The following KIF5A variants were observed in gnomAD, a reference collection of about 807,000 sequenced individuals.
KIF5A encodes the protein kinesin family member 5A.
KIF5A carries 35 observed loss-of-function variants against 141.3 expected under a neutral mutation model. The observed-to-expected ratio is 0.25, with a 90% CI of 0.19 to 0.33. The LOEUF (loss-of-function observed/expected upper bound fraction) is 0.33, where lower values mean the gene tolerates loss of function less well. Ranked by LOEUF, KIF5A falls within the 10% of genes least tolerant of loss-of-function variation. KIF5A has a pLI of 1.00. For missense variants in KIF5A, 861 were observed against 1,314.3 expected (o/e 0.66, Z 5.33); for synonymous variants, 448 against 500.2 (o/e 0.90, Z 1.39).
In KIF5A at chr12:57,581,888, C is replaced by G. The variant is rs1882615087; in HGVS notation, c.2928C>G (p.Thr976=). ...CATCCAGCTTTGCAAACTCCTGTAC[C>G]AGCAGTGGAGCCACATCTTCTGGCG... The part of the protein sequence containing the change: ...TSDMYFANSC[T]SSGATSSGGP... Residue 976 remains threonine, a synonymous_variant, in exon 26 of 29, where the codon ACC becomes ACG. Transcript: ENST00000455537. 1 of 1,613,908 alleles carries G rather than the reference C, an allele frequency of 6.2e-7. No homozygotes were observed. The highest frequency in any genetic ancestry group is 8.5e-7 in the Non-Finnish European group (1 of 1,180,018).
Position 57,550,510 on chromosome 12 carries a change from C to T in KIF5A, c.129+110C>T, listed in dbSNP as rs1291570440. 8 of 1,125,802 alleles carry T rather than the reference C, an allele frequency of 7.1e-6. No homozygotes were observed. Among genetic ancestry groups the T allele is most frequent in the Non-Finnish European group, 1.0e-5 (8 of 777,002 alleles). The allele number at this position is 1,125,802 out of a possible 1,614,324, so 69.7% of individuals were successfully genotyped here. On this transcript the variant is annotated intron_variant, in intron 1 of 28. Transcript: ENST00000455537. The surrounding 1 kb of genome is among the most constrained non-coding windows in gnomAD (Gnocchi z 4.6). Reference sequence around the variant, plus strand: ...CCCTTTGCTCCCCCTCCCCGCCGCTCATCCTTCATCCTCTTCCCCGCAGCC... The same window carrying T: ...CCCTTTGCTCCCCCTCCCCGCCGCTTATCCTTCATCCTCTTCCCCGCAGCC...
rs1277220719 is a variant in KIF5A, at chr12:57,571,393, A to G, written c.1362+4A>G. 3 of 1,613,634 alleles carry G rather than the reference A, an allele frequency of 1.9e-6. No individual in the cohort carries two copies. Among genetic ancestry groups the G allele is most frequent in the Middle Eastern group, 1.6e-4 (1 of 6,062 alleles). On this transcript the variant is annotated splice_donor_region_variant and intron_variant, in intron 13 of 28. Coordinates refer to ENST00000455537, the MANE Select transcript of KIF5A (RefSeq NM_004984.4). ...GCAAATGCTGGACCAGGAAGAGGTA[A>G]TAGGAGGGAGGGCAGGACATGAGAG...
chr12:57,566,022 T>C (rs1882053954), intron 6 of KIF5A, among the ~76,000 whole-genome samples: 2 of 151,916 alleles, frequency 1.3e-5, no homozygotes, highest in Admixed American at 1.3e-4. Context: ...TTGCTTGAGC[T>C]CAAGAGTTTG....
At position 57,550,331 on chromosome 12, in the gene KIF5A, C is replaced by T. The variant is rs200876187; in HGVS notation, c.60C>T (p.Asn20=). The change falls in exon 1 of 29, where the codon AAC becomes AAT. Residue 20 remains asparagine, a synonymous_variant. Coordinates refer to ENST00000455537, the MANE Select transcript of KIF5A (RefSeq NM_004984.4). This position sits in a 1 kb window ranked among gnomAD's most constrained non-coding sequence, Gnocchi z 4.6. ...TGCTCTGCCGATTCCGGCCCCTGAACCAGGCTGAGATTCTGCGGGGAGACA... is the reference window on the plus strand; with the variant it reads ...TGCTCTGCCGATTCCGGCCCCTGAATCAGGCTGAGATTCTGCGGGGAGACA... ...IKVLCRFRPL[N]QAEILRGDKF... 342 of 1,614,222 alleles carry T rather than the reference C, an allele frequency of 2.1e-4. 3 individuals carry two copies. Among genetic ancestry groups the T allele is most frequent in the Middle Eastern group, 1.2e-3 (7 of 6,062 alleles).
intron 1 of KIF5A, among the ~76,000 whole-genome samples, chr12:57,558,462 T>C (rs1173225841): frequency 2.0e-5 from 3 of 152,096 alleles, no homozygotes; most frequent in Non-Finnish European, 2.9e-5. Flanking sequence ...TCACCTGAGG[T>C]CAGGAGTTCA....
rs370904481 is a variant in KIF5A, at chr12:57,576,368, G to A, written c.2188G>A (p.Glu730Lys). The change falls in exon 19 of 29, where the codon GAG becomes AAG. Residue 730 changes from glutamate (E) to lysine (K), a missense_variant. Physicochemically the swap from Glu to Lys is moderately conservative, Grantham distance 56. Transcript: ENST00000455537. The part of the protein sequence containing the change: ...EINEKQKTID[E>K]LKDLNQKLQL... ...CAACGAGAAGCAGAAGACCATTGAT[G>A]AGCTCAAAGAGTAAGGGTTCCCAAG... is the stretch of plus-strand genomic sequence containing the variant. 10 of 1,613,550 alleles carry A rather than the reference G, an allele frequency of 6.2e-6. No individual in the cohort carries two copies. Among genetic ancestry groups the A allele is most frequent in the African/African-American group, 1.3e-5 (1 of 74,910 alleles).
At chr12:57,582,823 C>T (rs1449228407) in intron 27 of KIF5A, 194 bp downstream of exon 27, 2 of 647,506 alleles carry the variant, frequency 3.1e-6, no homozygotes, top group South Asian at 1.8e-5. Flanking sequence ...CTCCCCTCCT[C>T]CAATCCCATC....
At chr12:57,580,568 C>T (rs1394953433) in intron 23 of KIF5A, among the ~76,000 whole-genome samples, 2 of 152,148 alleles carry the variant, frequency 1.3e-5, no homozygotes, top group Non-Finnish European at 2.9e-5. Flanking sequence ...TCTGGGGAAG[C>T]GGGTCCCTCA....
At chr12:57,575,545 G>A in intron 16 of KIF5A, 95 bp from the exon 17 acceptor site, 1 of 1,066,296 alleles carries the variant, frequency 9.4e-7, no homozygotes, top group Non-Finnish European at 1.5e-6. Flanking sequence ...TAGCAGGAGG[G>A]AGGGCTGGGA....
rs1417290689 is a variant in KIF5A, at chr12:57,586,159, G to C, written c.*1978G>C. The C allele has an allele frequency of 6.6e-6, 1 of 152,090 alleles. No individual in the cohort carries two copies. The highest frequency in any genetic ancestry group is 1.5e-5 in the Non-Finnish European group (1 of 68,030). 9.4% of individuals were successfully genotyped at this position (152,090 alleles called of 1,614,324 possible). On this transcript the variant is annotated 3_prime_UTR_variant, in exon 29 of 29. Coordinates refer to ENST00000455537, the MANE Select transcript of KIF5A (RefSeq NM_004984.4). ...GCCATGCTGTCTCCAGACCCACTAG[G>C]GTGGAAGGAAGGTTCCTGTGGGCCT...
rs561954275 is a variant in KIF5A at position 57,564,636 on chromosome 12, C to T, written c.445+128C>T. 1.4e-5 allele frequency: 12 copies of T among 876,756 alleles called. No individual in the cohort carries two copies. In the African/African-American group the frequency reaches 1.8e-4, roughly 13 times the overall value. 54.3% of individuals were successfully genotyped at this position (876,756 alleles called of 1,614,324 possible). On this transcript the variant is annotated intron_variant, in intron 5 of 28. Coordinates refer to ENST00000455537, the MANE Select transcript of KIF5A (RefSeq NM_004984.4). ...GGCACACAGCACCCAAGTCTTTTGG[C>T]CCCGTTTACCAGAATTTCCAAAAAC... is the stretch of plus-strand genomic sequence containing the variant.
At chr12:57,560,625 T>C (rs1204831568) in intron 1 of KIF5A, among the ~76,000 whole-genome samples, 2 of 152,196 alleles carry the variant, frequency 1.3e-5, no homozygotes, top group Non-Finnish European at 2.9e-5. Context: ...TTGCTGAACA[T>C]TTATATTTCT....
chr12:57,576,161 G>T lies in KIF5A; in HGVS notation c.2088+10G>T. On this transcript the variant is annotated intron_variant, in intron 18 of 28. Transcript: ENST00000455537. ...TGCAGATGAAGTGAAGGTGAGTAAG[G>T]AAGGTGTCAGGGACAATTGGGGCCT... The T allele has an allele frequency of 6.2e-7, 1 of 1,613,992 alleles. No individual in the cohort carries two copies. Among genetic ancestry groups the T allele is most frequent in the African/African-American group, 1.3e-5 (1 of 75,052 alleles).
intron 3 of KIF5A, 114 bp downstream of exon 3, chr12:57,563,807 T>C: frequency 1.0e-6 from 1 of 981,198 alleles, no homozygotes; most frequent in South Asian, 1.3e-5. Context: ...GGCAGATAGA[T>C]GAGTACAGAG....
intron 23 of KIF5A, among the ~76,000 whole-genome samples, chr12:57,580,342 A>G (rs1193790740): frequency 6.6e-6 from 1 of 152,160 alleles, no homozygotes; most frequent in East Asian, 1.9e-4. Context: ...ATGTGAAGGT[A>G]ATGAGTGCAA....
chr12:57,578,833 G>A (rs1292505577), intron 23 of KIF5A, among the ~76,000 whole-genome samples: 1 of 152,118 alleles, frequency 6.6e-6, no homozygotes, highest in Non-Finnish European at 1.5e-5. Flanking sequence ...GGAAGCCGAG[G>A]CGGGCGGATC....
intron 7 of KIF5A, 136 bp from the exon 8 acceptor site, chr12:57,567,358 G>T: frequency 7.9e-7 from 1 of 1,270,532 alleles, no homozygotes; most frequent in East Asian, 2.4e-5. Context: ...CTGCTGCCTG[G>T]GAGATGTGGC....
intron 8 of KIF5A, 39 bp downstream of exon 8, chr12:57,567,657 G>T (rs1594915545): frequency 6.5e-7 from 1 of 1,548,344 alleles, no homozygotes; most frequent in Non-Finnish European, 8.7e-7. Context: ...TGGAAGCCTT[G>T]GCTCTTTTTT....
intron 7 of KIF5A, 61 bp from the exon 8 acceptor site, chr12:57,567,433 G>A: frequency 2.7e-5 from 43 of 1,605,574 alleles, no homozygotes; most frequent in Non-Finnish European, 3.6e-5. Flanking sequence ...GTGGAAGCCG[G>A]GGGCTGAGGA....
Sources: gnomAD v4.1 joint callset for allele counts (sites outside exome capture counted in the v4.1 genomes callset) on GRCh38, gnomAD v4.1.1 for gene constraint, Gnocchi (gnomAD v3.1) non-coding constraint, MANE v1.5 for transcripts, NCBI Gene and HGNC (gene_info 2026-07-23, HGNC 2026-07-21) for gene names.